TTC9C: variants seen among roughly 807,000 people sequenced by gnomAD.
TTC9C encodes tetratricopeptide repeat protein 9C.
TTC9C carries 15 observed loss-of-function variants against 22.5 expected under a neutral mutation model. The observed-to-expected ratio is 0.67, with a 90% CI of 0.45 to 1.03. The LOEUF (loss-of-function observed/expected upper bound fraction) is 1.03, where lower values mean the gene tolerates loss of function less well. Ranked by LOEUF, TTC9C falls within the 50% of genes least tolerant of loss-of-function variation. The pLI is 0.00. For missense variants in TTC9C, 244 were observed against 214.6 expected, an observed-to-expected ratio of 1.14 and a Z score of -0.86; for synonymous variants, 92 against 86.8, an observed-to-expected ratio of 1.06 and a Z score of -0.33.
intron 1 of TTC9C, among the ~76,000 whole-genome samples, chr11:62,732,331 G>A (rs1325286723): frequency 6.6e-6 from 1 of 151,940 alleles, no homozygotes; most frequent in Non-Finnish European, 1.5e-5. Context: ...TACTTGGGCC[G>A]GGCATGGTGG....
chr11:62,729,611 T>A (rs2083823174), intron 1 of TTC9C, among the ~76,000 whole-genome samples: 1 of 148,848 alleles, frequency 6.7e-6, no homozygotes, highest in Admixed American at 6.7e-5. Context: ...GTTTCGCTCT[T>A]GTTGCCCAGG....
At chr11:62,732,944 A>G (rs2083868985) in intron 1 of TTC9C, among the ~76,000 whole-genome samples, 1 of 145,790 alleles carries the variant, frequency 6.9e-6, no homozygotes, top group South Asian at 2.2e-4. Context: ...CAAAAAATTC[A>G]TTTACTTGTT....
chr11:62,732,244 C>T (rs1468387710), intron 1 of TTC9C, among the ~76,000 whole-genome samples: 1 of 152,048 alleles, frequency 6.6e-6, no homozygotes, highest in African/African-American at 2.4e-5. Flanking sequence ...ATCTGCCTGC[C>T]TCAGCCTCCC....
chr11:62,733,093 A>G (rs888592025), intron 1 of TTC9C: 12 of 1,251,352 alleles, frequency 9.6e-6, no homozygotes, highest in African/African-American at 3.1e-5. Context: ...CCATGATTTA[A>G]TAATACTATG....
Position 62,737,199 on chromosome 11 carries a change from AAAAAC to A in TTC9C, c.422-1069_422-1065del, listed in dbSNP as rs372706776. Among the ~76,000 whole-genome samples the A allele has an allele frequency of 6.6e-3, 1,007 of 152,256 alleles. 14 individuals carry two copies. The highest frequency in any genetic ancestry group is 0.023 in the African/African-American group (952 of 41,556). On this transcript the variant is annotated intron_variant, in intron 2 of 2. Coordinates refer to ENST00000316461, the MANE Select transcript of TTC9C (RefSeq NM_173810.4). ...GGGAGACAGAGGGAGACTCCATCTC[AAAAAC>A]AAAACAAAACAAAACAAAAAAACAG...
chr11:62,732,518 G>A (rs567099703), intron 1 of TTC9C, among the ~76,000 whole-genome samples: 1 of 151,828 alleles, frequency 6.6e-6, no homozygotes, highest in African/African-American at 2.4e-5. Flanking sequence ...GCTGAGGCAG[G>A]AGAATTGCTT....
Position 62,728,760 on chromosome 11 carries a change from G to T in TTC9C, c.-89G>T. On this transcript the variant is annotated 5_prime_UTR_variant, in exon 1 of 3. Transcript: ENST00000316461. ...GGGTAATTTCCTGCCTCCTTAAATTGGCTGCTACTGTCAGTTATTTTGCTC... is the reference window on the plus strand; with the variant it reads ...GGGTAATTTCCTGCCTCCTTAAATTTGCTGCTACTGTCAGTTATTTTGCTC... 7.8e-7 allele frequency: 1 copy of T among 1,282,882 alleles called. No homozygotes were observed. Among genetic ancestry groups the T allele is most frequent in the South Asian group, 1.2e-5 (1 of 82,126 alleles). The allele number at this position is 1,282,882 out of a possible 1,614,324, so 79.5% of individuals were successfully genotyped here.
At chr11:62,733,161 G>A in intron 1 of TTC9C, 1 of 1,288,428 alleles carries the variant, frequency 7.8e-7, no homozygotes, top group African/African-American at 1.5e-5. Flanking sequence ...TAAAAAGGCA[G>A]AACATTGACC....
Position 62,728,748 on chromosome 11 carries a change from C to A in TTC9C, c.-101C>A. Reference sequence around the variant, plus strand: ...CTCCAGGAAGAAGGGTAATTTCCTGCCTCCTTAAATTGGCTGCTACTGTCA... The same window carrying A: ...CTCCAGGAAGAAGGGTAATTTCCTGACTCCTTAAATTGGCTGCTACTGTCA... On this transcript the variant is annotated 5_prime_UTR_variant, in exon 1 of 3. Transcript: ENST00000316461. The A allele has an allele frequency of 8.6e-7, 1 of 1,167,570 alleles. No individual in the cohort carries two copies. The highest frequency in any genetic ancestry group is 1.3e-6 in the Non-Finnish European group (1 of 790,670). 72.3% of individuals were successfully genotyped at this position (1,167,570 alleles called of 1,614,324 possible).
chr11:62,728,255 C>A (rs1044305553), upstream of TTC9C: 1 of 338,386 alleles, frequency 3.0e-6, no homozygotes, highest in Admixed American at 4.2e-5. Flanking sequence ...GGGCGAGGAA[C>A]TGGTCACGGC....
Position 62,735,543 on chromosome 11 carries a change from G to A in TTC9C, c.400G>A (p.Ala134Thr). The change falls in exon 2 of 3, where the codon GCC (alanine) becomes ACC (threonine). Residue 134 changes from alanine to threonine, a missense_variant. Transcript: ENST00000316461. ...YDQARHYLLA[A>T]VNRQPKDANV... is the part of the protein sequence containing the mutation. ...CCAGGCCCGCCACTACCTCCTGGCT[G>A]CCGTGAATAGGCAGCCTAAAGGTAA... 1 of 1,613,362 alleles carries A rather than the reference G, an allele frequency of 6.2e-7. No homozygotes were observed. The highest frequency in any genetic ancestry group is 1.1e-5 in the South Asian group (1 of 91,054).
At chr11:62,730,124 G>A (rs545776596) in intron 1 of TTC9C, among the ~76,000 whole-genome samples, 1 of 152,018 alleles carries the variant, frequency 6.6e-6, no homozygotes, top group African/African-American at 2.4e-5. Flanking sequence ...TGCCCAAGCT[G>A]GGGTGCAATG....
upstream of TTC9C, chr11:62,728,384 G>A (rs575613005): frequency 5.3e-6 from 2 of 379,560 alleles, no homozygotes; most frequent in Non-Finnish European, 1.0e-5. Flanking sequence ...AGGAAGAAGA[G>A]TTAGAATTGC....
chr11:62,736,147 G>A (rs1277836730), intron 2 of TTC9C: 5 of 138,342 alleles, frequency 3.6e-5, no homozygotes, highest in African/African-American at 1.3e-4. Flanking sequence ...TGAGGCAGGA[G>A]AATTGCTTGA....
At chr11:62,729,168 A>T in intron 1 of TTC9C, 82 bp downstream of exon 1, 2 of 1,168,744 alleles carry the variant, frequency 1.7e-6, no homozygotes, top group South Asian at 1.5e-5. Context: ...AAAAACGCTG[A>T]CTTTTTTTTT....
intron 2 of TTC9C, chr11:62,736,302 G>A (rs7104360): frequency 0.16 from 24,350 of 151,092 alleles, 2,222 homozygotes; most frequent in Non-Finnish European, 0.22. Context: ...AGCACTTTGG[G>A]AGGCCAAGGC....
At chr11:62,736,983 A>T (rs2083920559) in intron 2 of TTC9C, among the ~76,000 whole-genome samples, 1 of 152,010 alleles carries the variant, frequency 6.6e-6, no homozygotes. Flanking sequence ...GGATCATGTG[A>T]GGCCAGGAGT....
At chr11:62,735,301 C>G in intron 1 of TTC9C, 81 bp from the exon 2 acceptor site, 1 of 1,546,710 alleles carries the variant, frequency 6.5e-7, no homozygotes, top group Non-Finnish European at 8.8e-7. Context: ...CCACCCTGTT[C>G]AGTACTGTCT....
intron 2 of TTC9C, chr11:62,736,298 T>C (rs1196367268): frequency 6.6e-6 from 1 of 151,532 alleles, no homozygotes; most frequent in Non-Finnish European, 1.5e-5. Flanking sequence ...TCCCAGCACT[T>C]TGGGAGGCCA....
Sources: gnomAD v4.1 joint callset for allele counts (sites outside exome capture counted in the v4.1 genomes callset) on GRCh38, gnomAD v4.1.1 for gene constraint, MANE v1.5 for transcripts, NCBI Gene and HGNC (gene_info 2026-07-23, HGNC 2026-07-21) for gene names.